Variants in SLC7A7 observed in about 807,000 individuals in gnomAD.
The protein encoded by SLC7A7 is Y+L amino acid transporter 1.
SLC7A7 carries 39 observed loss-of-function variants against 47.9 expected under a neutral mutation model. The ratio of observed to expected loss-of-function variants is 0.81; its 90% CI spans 0.63 to 1.06. The LOEUF (loss-of-function observed/expected upper bound fraction) is 1.06, where lower values mean the gene tolerates loss of function less well. SLC7A7 is among the 50% of genes least tolerant of loss of function. The pLI is 0.00. For synonymous variants in SLC7A7, 234 were observed against 242.8 expected (o/e 0.96, Z 0.34); for missense variants, 588 against 632.0 (o/e 0.93, Z 0.75).
At chr14:22,793,524 G>C (rs1594963483) in intron 2 of SLC7A7, among the ~76,000 whole-genome samples, 1 of 152,136 alleles carries the variant, frequency 6.6e-6, no homozygotes, top group South Asian at 2.1e-4. Context: ...AGAAATTATG[G>C]TTTAGGGCTG....
intron 9 of SLC7A7, 96 bp from the exon 10 acceptor site, chr14:22,773,812 C>T: frequency 4.5e-6 from 7 of 1,544,648 alleles, no homozygotes; most frequent in Non-Finnish European, 5.3e-6. Context: ...AGTGATTCCA[C>T]TAAGCCGAAG....
chr14:22,781,294 T>G (rs1046911709), intron 2 of SLC7A7, among the ~76,000 whole-genome samples: 9 of 152,134 alleles, frequency 5.9e-5, no homozygotes, highest in Admixed American at 5.9e-4. Context: ...GTCCTCCTAT[T>G]TTGTGGTGTC....
rs777682875 is a variant in SLC7A7 at position 22,813,057 on chromosome 14, G to A, written c.342C>T (p.Phe114=). Reference sequence around the variant, plus strand: ...AGGTCCAGAGTCTGATGAAAGCAAGGAATCCTCCAAAGGCCTCCAGGATAT... The same window carrying A: ...AGGTCCAGAGTCTGATGAAAGCAAGAAATCCTCCAAAGGCCTCCAGGATAT... ...YAYILEAFGG[F]LAFIRLWTSL... The change falls in exon 2 of 10, where the codon TTC becomes TTT. Residue 114 remains phenylalanine, a synonymous_variant. Transcript: ENST00000674313. 1.1e-5 allele frequency: 17 copies of A among 1,614,100 alleles called. 1 individual carries two copies. The South Asian group carries it at 1.9e-4, about 18-fold the overall frequency.
chr14:22,782,441 CTTAT>C lies in SLC7A7; in HGVS notation c.500-2394_500-2391del, dbSNP rs200252561. ...TTTTTTTTATTTACTTATTTATTGA[CTTAT>C]TTATTTATTTATTTATTTATTTTAT... On this transcript the variant is annotated intron_variant, in intron 2 of 9. Coordinates refer to ENST00000674313, the MANE Select transcript of SLC7A7 (RefSeq NM_003982.4). Among the ~76,000 whole-genome samples the C allele has an allele frequency of 3.4e-4, 51 of 148,562 alleles. No homozygotes were observed. In the Middle Eastern group the frequency reaches 0.014, roughly 41 times the overall value.
chr14:22,817,584 G>A (rs562095535), upstream of SLC7A7, among the ~76,000 whole-genome samples: 11 of 152,134 alleles, frequency 7.2e-5, no homozygotes, highest in African/African-American at 1.7e-4. Context: ...CAGGCAATCC[G>A]CCCACCTCGG....
intron 2 of SLC7A7, among the ~76,000 whole-genome samples, chr14:22,784,884 C>T (rs2038786220): frequency 6.6e-6 from 1 of 152,226 alleles, no homozygotes; most frequent in Non-Finnish European, 1.5e-5. Flanking sequence ...ATTAAACCCA[C>T]AATTCTGTAA....
rs979470295 is a variant in SLC7A7 at position 22,780,447 on chromosome 14, C to T, written c.500-396G>A. 10 of 254,576 alleles carry T rather than the reference C, an allele frequency of 3.9e-5. No homozygotes were observed. In the South Asian group the frequency reaches 4.9e-4, roughly 13 times the overall value. The allele number at this position is 254,576 out of a possible 1,614,324, so 15.8% of individuals were successfully genotyped here. A position where few individuals can be genotyped will look rare whatever the true frequency, so the allele number is the denominator to read the frequency against. On this transcript the variant is annotated intron_variant, in intron 2 of 9. Transcript: ENST00000674313. ...CCCATTCCCCATGGGCTCCAGGACA[C>T]AGCACTCTGACTCTGTGGTATTACT...
At chr14:22,794,053 A>G (rs2038970436) in intron 2 of SLC7A7, among the ~76,000 whole-genome samples, 1 of 152,088 alleles carries the variant, frequency 6.6e-6, no homozygotes, top group Non-Finnish European at 1.5e-5. Context: ...ATCTCTAACT[A>G]ATCAGCACTC....
At chr14:22,816,782 C>T (rs1679986403), upstream of SLC7A7, among the ~76,000 whole-genome samples, 1 of 152,094 alleles carries the variant, frequency 6.6e-6, no homozygotes, top group African/African-American at 2.4e-5. Context: ...CTAAATATCT[C>T]TGGGAGACAT....
intron 2 of SLC7A7, among the ~76,000 whole-genome samples, chr14:22,792,086 T>C (rs1254117524): frequency 6.6e-6 from 1 of 152,072 alleles, no homozygotes; most frequent in Non-Finnish European, 1.5e-5. Flanking sequence ...CCACCCGCCT[T>C]GGCCTCCCAA....
rs573454071 is a variant in SLC7A7 at position 22,774,128 on chromosome 14, G to A, written c.1246-12C>T. 5.8e-5 allele frequency: 94 copies of A among 1,614,126 alleles called. No homozygotes were observed. The East Asian group carries it at 1.5e-3, about 25-fold the overall frequency. On this transcript the variant is annotated splice_polypyrimidine_tract_variant and intron_variant, in intron 8 of 9. Coordinates refer to ENST00000674313, the MANE Select transcript of SLC7A7 (RefSeq NM_003982.4). ...AAGAAAACGCTGAGCTAAGGGCACA[G>A]GAAACATAACTGGAGTGGACAACTC... is the stretch of plus-strand genomic sequence containing the variant.
At chr14:22,799,491 G>A (rs1405516658) in intron 2 of SLC7A7, among the ~76,000 whole-genome samples, 1 of 96,656 alleles carries the variant, frequency 1.0e-5, no homozygotes, top group East Asian at 3.5e-4. Flanking sequence ...ATCTTGCTCT[G>A]TCACCCAAGA....
intron 7 of SLC7A7, among the ~76,000 whole-genome samples, 169 bp from the exon 8 acceptor site, chr14:22,774,672 T>C (rs2038560991): frequency 6.6e-6 from 1 of 152,152 alleles, no homozygotes; most frequent in South Asian, 2.1e-4. Context: ...ATCCCCTCTC[T>C]TATAAGTCAG....
chr14:22,812,024 T>G (rs28516981), intron 2 of SLC7A7, among the ~76,000 whole-genome samples: 80,930 of 151,648 alleles, frequency 0.53, 21,833 homozygotes, highest in East Asian at 0.8. Context: ...TCACATGAAA[T>G]AATATGAAGC....
Position 22,814,254 on chromosome 14 carries a change from C to T in SLC7A7, c.-42-814G>A, listed in dbSNP as rs1478032202. On this transcript the variant is annotated intron_variant, in intron 1 of 9. Coordinates refer to ENST00000674313, the MANE Select transcript of SLC7A7 (RefSeq NM_003982.4). ...AACCCAGCACTTTGGGAGGCCAAGG[C>T]GGGCAGATCACCTAAAGTCGGGAGT... 4.6e-5 allele frequency among the ~76,000 whole-genome samples: 7 copies of T among 151,540 alleles called. No homozygotes were observed. The East Asian group carries it at 1.4e-3, about 30-fold the overall frequency.
intron 2 of SLC7A7, among the ~76,000 whole-genome samples, chr14:22,784,954 A>C (rs180714148): frequency 4.1e-4 from 63 of 152,336 alleles, no homozygotes; most frequent in Middle Eastern, 3.4e-3. Flanking sequence ...ACAGGCGTGA[A>C]CCACCATGCC....
intron 2 of SLC7A7, among the ~76,000 whole-genome samples, chr14:22,787,831 T>C (rs56673472): frequency 0.24 from 36,869 of 151,730 alleles, 5,802 homozygotes; most frequent in East Asian, 0.4. Flanking sequence ...CCCAGCACTT[T>C]GGGAGGCCGA....
At chr14:22,787,804 T>C in intron 2 of SLC7A7, among the ~76,000 whole-genome samples, 1 of 151,478 alleles carries the variant, frequency 6.6e-6, no homozygotes, top group East Asian at 1.9e-4. Flanking sequence ...CCGGGCACGG[T>C]GGCTCACGCC....
At chr14:22,808,016 G>A (rs924224858) in intron 2 of SLC7A7, among the ~76,000 whole-genome samples, 1 of 152,002 alleles carries the variant, frequency 6.6e-6, no homozygotes, top group African/African-American at 2.4e-5. Context: ...ACAAAAATTA[G>A]CCGGGTGTGG....
Sources: gnomAD v4.1 joint callset for allele counts (sites outside exome capture counted in the v4.1 genomes callset) on GRCh38, gnomAD v4.1.1 for gene constraint, MANE v1.5 for transcripts, NCBI Gene and HGNC (gene_info 2026-07-23, HGNC 2026-07-21) for gene names.